Variants in NEMP2 observed in about 807,000 individuals in gnomAD.
The protein encoded by NEMP2 is nuclear envelope integral membrane protein 2, also known as UPF0571 transmembrane protein.
A neutral mutation model predicts 54.2 loss-of-function variants in NEMP2; 53 were observed. The observed-to-expected ratio is 0.98, with a 90% confidence interval of 0.78 to 1.23. The LOEUF (loss-of-function observed/expected upper bound fraction) is 1.23. Ranked by LOEUF, NEMP2 falls within the 50% of genes most tolerant of loss-of-function variation. NEMP2 has a pLI of 0.00. For synonymous variants in NEMP2, 197 were observed against 190.3 expected, an observed-to-expected ratio of 1.04 and a Z score of -0.29; for missense variants, 455 against 511.3, an observed-to-expected ratio of 0.89 and a Z score of 1.06.
Position 190,521,599 on chromosome 2 carries a change from A to G in NEMP2, c.214-2416T>C, listed in dbSNP as rs1185142919. Among the ~76,000 whole-genome samples, 1 of 152,174 alleles carries G rather than the reference A, an allele frequency of 6.6e-6. No homozygotes were observed. The highest frequency in any genetic ancestry group is 2.4e-5 in the African/African-American group (1 of 41,444). ...TTGTTGCAATAAAATTCCTTTAAAA[A>G]GCTGCCTGTGCCTGCAGTCTCTAGT... On this transcript the variant is annotated intron_variant, in intron 2 of 8. Transcript: ENST00000409150. This position sits in a 1 kb window ranked among gnomAD's most constrained non-coding sequence, Gnocchi z 6.2.
the NEMP2 span, among the ~76,000 whole-genome samples, chr2:190,443,925 G>A: frequency 1.3e-5 from 2 of 152,092 alleles, no homozygotes; most frequent in African/African-American, 2.4e-5. This position sits in a 1 kb window ranked among gnomAD's most constrained non-coding sequence, Gnocchi z 4.2. Context: ...GGTGTCACAC[G>A]CCTGTAGTCC....
At chr2:190,471,470 C>T in the NEMP2 span, among the ~76,000 whole-genome samples, 23 of 152,338 alleles carry the variant, frequency 1.5e-4, no homozygotes, top group Non-Finnish European at 2.4e-4. The surrounding 1 kb of genome is among the most constrained non-coding windows in gnomAD (Gnocchi z 4.7). Flanking sequence ...GAGGGTCCTA[C>T]GCCCACGGAG....
the NEMP2 span, chr2:190,436,218 G>C: frequency 6.2e-7 from 1 of 1,614,100 alleles, no homozygotes; most frequent in Middle Eastern, 1.6e-4. This position sits in a 1 kb window ranked among gnomAD's most constrained non-coding sequence, Gnocchi z 5.3. Flanking sequence ...ATTGTGTTAA[G>C]ATAAACAACG....
chr2:190,548,341 A>C, the NEMP2 span, among the ~76,000 whole-genome samples: 35,740 of 152,162 alleles, frequency 0.23, 5,056 homozygotes, highest in South Asian at 0.33. Flanking sequence ...GAATAGGCCA[A>C]GGAAAATTTT....
the NEMP2 span, among the ~76,000 whole-genome samples, chr2:190,484,410 G>T: frequency 6.6e-6 from 1 of 152,154 alleles, no homozygotes; most frequent in African/African-American, 2.4e-5. Context: ...TAAGAAAGTA[G>T]AAGCATTTTC....
chr2:190,507,862 T>A lies in NEMP2; in HGVS notation c.*1327A>T, dbSNP rs1247218823. 6.6e-6 allele frequency: 1 copy of A among 152,142 alleles called. No individual in the cohort carries two copies. Among genetic ancestry groups the A allele is most frequent in the East Asian group, 1.9e-4 (1 of 5,202 alleles). 9.4% of individuals were successfully genotyped at this position (152,142 alleles called of 1,614,324 possible). A position where few individuals can be genotyped will look rare whatever the true frequency, so the allele number is the denominator to read the frequency against. ...GTCTATCCTTCGCCCATAACCTTTG[T>A]CCTGATAAAAAGATTATTTTTATGA... On this transcript the variant is annotated 3_prime_UTR_variant, in exon 9 of 9. Coordinates refer to ENST00000409150, the MANE Select transcript of NEMP2 (RefSeq NM_001142645.2). The surrounding 1 kb of genome is among the most constrained non-coding windows in gnomAD (Gnocchi z 4.4).
the NEMP2 span, chr2:190,488,823 G>A: frequency 6.5e-7 from 1 of 1,546,822 alleles, no homozygotes; most frequent in South Asian, 1.2e-5. This position sits in a 1 kb window ranked among gnomAD's most constrained non-coding sequence, Gnocchi z 6.4. Context: ...ATTTTGGTAA[G>A]AATGGCTTTC....
At chr2:190,646,423 A>G in the NEMP2 span, among the ~76,000 whole-genome samples, 1 of 152,248 alleles carries the variant, frequency 6.6e-6, no homozygotes, top group Non-Finnish European at 1.5e-5. Context: ...GGAAAAAAAG[A>G]ATCCATCGTC....
rs894605177 is a variant in NEMP2, at chr2:190,504,694, C to G, written c.*4495G>C. 3 of 152,132 alleles carry G rather than the reference C, an allele frequency of 2.0e-5. No homozygotes were observed. Among genetic ancestry groups the G allele is most frequent in the Admixed American group, 1.3e-4 (2 of 15,276 alleles). 9.4% of individuals were successfully genotyped at this position (152,132 alleles called of 1,614,324 possible). On this transcript the variant is annotated 3_prime_UTR_variant, in exon 9 of 9. Transcript: ENST00000409150. The surrounding 1 kb of genome is among the most constrained non-coding windows in gnomAD (Gnocchi z 5.6). ...CATTTAACAAATTATATACCATACT[C>G]TCTCCAATAGTCAGTGTAGGATGCT...
chr2:190,515,245 C>G (rs1386135575), intron 6 of NEMP2, among the ~76,000 whole-genome samples: 1 of 152,050 alleles, frequency 6.6e-6, no homozygotes, highest in Non-Finnish European at 1.5e-5. Flanking sequence ...TTCCAGTTTA[C>G]AGAAAATACG....
the NEMP2 span, among the ~76,000 whole-genome samples, chr2:190,438,781 CAA>C: frequency 6.6e-6 from 1 of 152,196 alleles, no homozygotes; most frequent in East Asian, 1.9e-4. This position sits in a 1 kb window ranked among gnomAD's most constrained non-coding sequence, Gnocchi z 5.2. Flanking sequence ...GAGAAATAGA[CAA>C]TGACAAGATT....
chr2:190,567,237 T>G, the NEMP2 span, among the ~76,000 whole-genome samples: 1 of 151,710 alleles, frequency 6.6e-6, no homozygotes, highest in Non-Finnish European at 1.5e-5. This position sits in a 1 kb window ranked among gnomAD's most constrained non-coding sequence, Gnocchi z 4.0. Context: ...TGAGGAAGTC[T>G]GCTGAAAATA....
the NEMP2 span, chr2:190,497,500 C>T: frequency 2.1e-5 from 34 of 1,614,044 alleles, no homozygotes; most frequent in African/African-American, 8.0e-5. This position sits in a 1 kb window ranked among gnomAD's most constrained non-coding sequence, Gnocchi z 5.2. Flanking sequence ...TAGCAACCAT[C>T]GACTTGGTAC....
chr2:190,500,365 A>G (rs1278591099), downstream of NEMP2: 1 of 794,576 alleles, frequency 1.3e-6, no homozygotes, highest in Non-Finnish European at 2.0e-6. The surrounding 1 kb of genome is among the most constrained non-coding windows in gnomAD (Gnocchi z 5.3). Flanking sequence ...ACATGGAAAC[A>G]CACACACAGG....
rs1347310217 is a variant in NEMP2 at position 190,512,413 on chromosome 2, G to C, written c.954-1876C>G. On this transcript the variant is annotated intron_variant, in intron 7 of 8. Transcript: ENST00000409150. This position sits in a 1 kb window ranked among gnomAD's most constrained non-coding sequence, Gnocchi z 4.5. ...TATACTATTAAAATATAAGTAAACA[G>C]CTCTTTGCAACTAGAAAGTACTATA... Among the ~76,000 whole-genome samples the C allele has an allele frequency of 6.6e-6, 1 of 152,114 alleles. No homozygotes were observed. Among genetic ancestry groups the C allele is most frequent in the Non-Finnish European group, 1.5e-5 (1 of 68,014 alleles).
chr2:190,517,673 AC>A, intron 4 of NEMP2, 60 bp from the exon 5 acceptor site: 1 of 1,225,844 alleles, frequency 8.2e-7, no homozygotes, highest in Non-Finnish European at 1.2e-6. Flanking sequence ...AGTATGAAAA[AC>A]ATGTTTAACC....
chr2:190,477,253 A>C, the NEMP2 span: 5 of 983,650 alleles, frequency 5.1e-6, no homozygotes, highest in Non-Finnish European at 6.0e-6. Context: ...AGAATGATTC[A>C]ATAACAAGGT....
chr2:190,549,493 C>T, the NEMP2 span, among the ~76,000 whole-genome samples: 1 of 152,150 alleles, frequency 6.6e-6, no homozygotes, highest in Non-Finnish European at 1.5e-5. Context: ...CCCTAATTTA[C>T]CAGTTTTCAA....
At chr2:190,471,271 G>A in the NEMP2 span, among the ~76,000 whole-genome samples, 3 of 152,200 alleles carry the variant, frequency 2.0e-5, no homozygotes, top group South Asian at 2.1e-4. This position sits in a 1 kb window ranked among gnomAD's most constrained non-coding sequence, Gnocchi z 4.7. Flanking sequence ...CGCGGTGAGC[G>A]TGAGCTGAAG....
Sources: allele counts gnomAD v4.1 joint callset (sites outside exome capture counted in the v4.1 genomes callset), GRCh38; gene constraint gnomAD v4.1.1; non-coding constraint Gnocchi (gnomAD v3.1); transcripts MANE v1.5; gene names NCBI Gene and HGNC (gene_info 2026-07-23, HGNC 2026-07-21).